PDGFRA: variants seen among roughly 807,000 people sequenced by gnomAD.
PDGFRA encodes the protein platelet-derived growth factor receptor alpha.
A neutral mutation model predicts 121.5 loss-of-function variants in PDGFRA; 25 were observed. The observed-to-expected ratio is 0.21, with a 90% CI of 0.15 to 0.29. The LOEUF is 0.29. PDGFRA is among the 10% of genes least tolerant of loss of function. PDGFRA has a pLI of 1.00. For missense variants in PDGFRA, 1,008 were observed against 1,345.1 expected, an observed-to-expected ratio of 0.75 and a Z score of 3.92; for synonymous variants, 463 against 494.8, an observed-to-expected ratio of 0.94 and a Z score of 0.85.
At chr4:54,236,703 T>C (rs1372402933) in intron 1 of PDGFRA, among the ~76,000 whole-genome samples, 2 of 151,788 alleles carry the variant, frequency 1.3e-5, no homozygotes, top group African/African-American at 4.8e-5. Context: ...CTCGGGAGGC[T>C]GAGACAGGAG....
intron 16 of PDGFRA, chr4:54,280,685 G>A (rs1057242922): frequency 1.9e-5 from 8 of 431,364 alleles, no homozygotes; most frequent in Non-Finnish European, 3.3e-5. Context: ...AGCTGACAAT[G>A]TAACAAATTT....
chr4:54,275,941 A>T (rs916241645), intron 12 of PDGFRA, among the ~76,000 whole-genome samples: 6 of 152,172 alleles, frequency 3.9e-5, no homozygotes, highest in Non-Finnish European at 7.3e-5. Context: ...GCCAAAACAA[A>T]CCCTCTTTTT....
At chr4:54,284,851 T>A (rs375151131) in intron 16 of PDGFRA, among the ~76,000 whole-genome samples, 1 of 151,036 alleles carries the variant, frequency 6.6e-6, no homozygotes, top group African/African-American at 2.4e-5. Flanking sequence ...TTTCTGCATA[T>A]CTCTTTCCTT....
intron 1 of PDGFRA, among the ~76,000 whole-genome samples, chr4:54,244,862 G>C (rs1721537656): frequency 1.3e-5 from 2 of 152,170 alleles, no homozygotes; most frequent in South Asian, 4.1e-4. Context: ...CCAATACAGA[G>C]AAGTGCTTAA....
At chr4:54,271,556 CCCTT>C (rs571664897) in intron 8 of PDGFRA, among the ~76,000 whole-genome samples, 100 of 151,418 alleles carry the variant, frequency 6.6e-4, no homozygotes, top group African/African-American at 1.1e-3. Flanking sequence ...TTCCCTCCCT[CCCTT>C]CCTTCCTTCC....
At chr4:54,264,732 A>G (rs556023247) in intron 4 of PDGFRA, 187 bp from the exon 5 acceptor site, 4 of 560,080 alleles carry the variant, frequency 7.1e-6, no homozygotes, top group South Asian at 2.0e-5. Context: ...TATTATAACT[A>G]TATGCCTAAT....
At chr4:54,287,695 T>C (rs1724424602) in intron 19 of PDGFRA, among the ~76,000 whole-genome samples, 154 bp downstream of exon 19, 4 of 152,156 alleles carry the variant, frequency 2.6e-5, no homozygotes, top group Admixed American at 2.6e-4. Context: ...TTGTGCCTTA[T>C]TGTGTCTGAG....
At chr4:54,278,264 A>C in intron 14 of PDGFRA, 98 bp from the exon 15 acceptor site, 2 of 727,312 alleles carry the variant, frequency 2.7e-6, no homozygotes. Context: ...CTTTTTTGGT[A>C]TCTTATTTTT....
At chr4:54,254,651 G>A (rs964186539) in intron 1 of PDGFRA, among the ~76,000 whole-genome samples, 2 of 152,210 alleles carry the variant, frequency 1.3e-5, no homozygotes, top group Non-Finnish European at 2.9e-5. Context: ...CATCAAGCTG[G>A]CTCTGGAGGT....
chr4:54,257,200 C>T (rs1011079468), intron 1 of PDGFRA, among the ~76,000 whole-genome samples: 1 of 152,118 alleles, frequency 6.6e-6, no homozygotes, highest in Non-Finnish European at 1.5e-5. Context: ...TGACAGTTTA[C>T]AAATGTTGTA....
At position 54,285,738 on chromosome 4, in the gene PDGFRA, C is replaced by G. The variant is rs4864871; in HGVS notation, c.2440-103C>G. The G allele has an allele frequency of 4.1e-4, 519 of 1,259,732 alleles. 2 individuals carry two copies. The African/African-American group carries it at 6.2e-3, about 15-fold the overall frequency. The allele number at this position is 1,259,732 out of a possible 1,614,324, so 78.0% of individuals were successfully genotyped here. ...AGAAGGCCAGCCCTTTATATCCAGG[C>G]AGACAGCTCCAAGTGCCACCATGGA... On this transcript the variant is annotated intron_variant, in intron 17 of 22. Coordinates refer to ENST00000257290, the MANE Select transcript of PDGFRA (RefSeq NM_006206.6).
chr4:54,242,406 A>G (rs568082951), intron 1 of PDGFRA, among the ~76,000 whole-genome samples: 1 of 152,304 alleles, frequency 6.6e-6, no homozygotes, highest in South Asian at 2.1e-4. Context: ...TACCTTTAAA[A>G]AAAGGCTTAA....
chr4:54,239,440 C>G (rs1387722997), intron 1 of PDGFRA, among the ~76,000 whole-genome samples: 1 of 152,202 alleles, frequency 6.6e-6, no homozygotes. Context: ...AAGCCAAGAA[C>G]CTTTGTGACC....
intron 15 of PDGFRA, among the ~76,000 whole-genome samples, chr4:54,279,751 G>A (rs557379881): frequency 1.3e-5 from 2 of 152,152 alleles, no homozygotes; most frequent in African/African-American, 4.8e-5. Context: ...TCATTCTTAT[G>A]CCTTTGCATC....
At chr4:54,233,608 G>C (rs1053234150) in intron 1 of PDGFRA, among the ~76,000 whole-genome samples, 1 of 152,252 alleles carries the variant, frequency 6.6e-6, no homozygotes, top group Admixed American at 6.5e-5. Flanking sequence ...CCTCCGGGCA[G>C]CCAGTGGACT....
intron 4 of PDGFRA, chr4:54,264,626 T>C: frequency 2.8e-6 from 1 of 362,308 alleles, no homozygotes; most frequent in Non-Finnish European, 5.2e-6. Context: ...GTCAAGGAGA[T>C]TGTGGACGAG....
At chr4:54,245,728 G>T (rs573482770) in intron 1 of PDGFRA, among the ~76,000 whole-genome samples, 76 of 152,306 alleles carry the variant, frequency 5.0e-4, no homozygotes, top group Middle Eastern at 3.4e-3. Flanking sequence ...AACTTTAAAT[G>T]TAAATGGACT....
chr4:54,256,944 G>T (rs541423986), intron 1 of PDGFRA, among the ~76,000 whole-genome samples: 2 of 152,216 alleles, frequency 1.3e-5, no homozygotes, highest in South Asian at 4.1e-4. Flanking sequence ...TGGGAGGATT[G>T]CTTGAGCCCA....
Position 54,289,014 on chromosome 4 carries a change from A to G in PDGFRA, c.2780A>G (p.Glu927Gly). Reference protein sequence around the residue: ...KPDHATSEVYEIMVKCWNSEP... With the variant: ...KPDHATSEVYGIMVKCWNSEP... The stretch of plus-strand genomic sequence containing the variant: ...CTTGAGTTCTGTCCCCACAGCTACG[A>G]GATCATGGTGAAATGCTGGAACAGT... The change falls in exon 21 of 23, where the codon GAG becomes GGG. Residue 927 changes from glutamate to glycine, a missense_variant. Coordinates refer to ENST00000257290, the MANE Select transcript of PDGFRA (RefSeq NM_006206.6). 6.2e-7 allele frequency: 1 copy of G among 1,605,852 alleles called. No homozygotes were observed. The highest frequency in any genetic ancestry group is 8.5e-7 in the Non-Finnish European group (1 of 1,172,464).
Sources: gnomAD v4.1 joint callset for allele counts (sites outside exome capture counted in the v4.1 genomes callset) on GRCh38, gnomAD v4.1.1 for gene constraint, MANE v1.5 for transcripts, NCBI Gene and HGNC (gene_info 2026-07-23, HGNC 2026-07-21) for gene names.